The following KIF11 variants were observed in gnomAD, a reference collection of about 807,000 sequenced individuals.
KIF11 encodes kinesin family member 11.
KIF11 carries 9 observed loss-of-function variants against 121.0 expected under a neutral mutation model. The ratio of observed to expected loss-of-function variants is 0.07; its 90% confidence interval spans 0.04 to 0.13. The LOEUF (loss-of-function observed/expected upper bound fraction) is 0.13. Ranked by LOEUF, KIF11 falls within the 10% of genes least tolerant of loss-of-function variation. The pLI is 1.00. For missense variants in KIF11, 846 were observed against 1,217.5 expected, an observed-to-expected ratio of 0.69 and a Z score of 4.54; for synonymous variants, 408 against 421.0, an observed-to-expected ratio of 0.97 and a Z score of 0.38.
chr10:92,640,360 T>G (rs1286197286), intron 17 of KIF11, among the ~76,000 whole-genome samples: 1 of 152,248 alleles, frequency 6.6e-6, no homozygotes, highest in Non-Finnish European at 1.5e-5. Context: ...CATTGAACAA[T>G]AGCCTAAAAT....
At chr10:92,611,808 A>AG (rs1844500368) in intron 6 of KIF11, among the ~76,000 whole-genome samples, 2 of 152,204 alleles carry the variant, frequency 1.3e-5, no homozygotes, top group South Asian at 4.1e-4. Context: ...CTGAGGCAGG[A>AG]GAACTGCTTG....
At chr10:92,610,003 C>CCA (rs1214382042) in intron 6 of KIF11, among the ~76,000 whole-genome samples, 3 of 152,142 alleles carry the variant, frequency 2.0e-5, no homozygotes, top group African/African-American at 7.2e-5. Context: ...TCCCAAAGTG[C>CCA]TGAGATTACA....
chr10:92,648,866 A>G (rs1844949902), intron 19 of KIF11, among the ~76,000 whole-genome samples: 1 of 152,212 alleles, frequency 6.6e-6, no homozygotes, highest in Admixed American at 6.5e-5. Flanking sequence ...TTAAGAGATC[A>G]GGGATCACCA....
chr10:92,636,734 TA>T (rs1844802492), intron 14 of KIF11, among the ~76,000 whole-genome samples: 2 of 151,302 alleles, frequency 1.3e-5, no homozygotes, highest in African/African-American at 4.8e-5. Context: ...ATGTAGAGTA[TA>T]AAAAATGGAG....
At chr10:92,598,940 G>A (rs1010458166) in intron 1 of KIF11, among the ~76,000 whole-genome samples, 1 of 152,070 alleles carries the variant, frequency 6.6e-6, no homozygotes, top group Non-Finnish European at 1.5e-5. Context: ...ACCACGACCA[G>A]CTAATTTTTG....
chr10:92,618,643 C>CAAAAA (rs369094008), intron 9 of KIF11, among the ~76,000 whole-genome samples: 36 of 89,478 alleles, frequency 4.0e-4, no homozygotes, highest in African/African-American at 1.1e-3. Flanking sequence ...GGCTCTGTCT[C>CAAAAA]AAAAAAAAAA....
At chr10:92,602,825 C>CACACGTGTGT (rs1457102223) in intron 1 of KIF11, among the ~76,000 whole-genome samples, 3 of 122,440 alleles carry the variant, frequency 2.5e-5, no homozygotes, top group East Asian at 4.7e-4. Context: ...CACACACACA[C>CACACGTGTGT]GTGTGTGTGT....
At chr10:92,625,991 G>A (rs1201461100) in intron 10 of KIF11, among the ~76,000 whole-genome samples, 1 of 152,094 alleles carries the variant, frequency 6.6e-6, no homozygotes, top group Non-Finnish European at 1.5e-5. Flanking sequence ...TTGTTAAAAT[G>A]GCCATACCAC....
rs773481246 is a variant in KIF11, at chr10:92,609,424, C to T, written c.613C>T (p.His205Tyr). 1.2e-6 allele frequency: 2 copies of T among 1,612,992 alleles called. No homozygotes were observed. Among genetic ancestry groups the T allele is most frequent in the East Asian group, 2.2e-5 (1 of 44,808 alleles). The change falls in exon 6 of 22, where the codon CAC becomes TAC. Residue 205 changes from histidine to tyrosine, a missense_variant. Physicochemically the swap from His to Tyr is moderately conservative, Grantham distance 83. Transcript: ENST00000260731. ...TAAAGGTTTAGAAGAAATTACAGTA[C>T]ACAACAAGGATGAAGTCTATCAAAT... ...IIKGLEEITV[H>Y]NKDEVYQILE...
intron 10 of KIF11, among the ~76,000 whole-genome samples, chr10:92,628,157 G>C (rs1046095716): frequency 8.2e-6 from 1 of 121,706 alleles, no homozygotes; most frequent in Non-Finnish European, 1.7e-5. Flanking sequence ...ATCCTAAAAT[G>C]TACAGGACAT....
chr10:92,618,516 C>T (rs534503914), intron 9 of KIF11, among the ~76,000 whole-genome samples: 1 of 151,276 alleles, frequency 6.6e-6, no homozygotes, highest in African/African-American at 2.4e-5. Context: ...CGTAGTGGCA[C>T]GTGCCTGTAA....
chr10:92,612,353 G>A (rs1844507337), intron 6 of KIF11, among the ~76,000 whole-genome samples: 1 of 152,096 alleles, frequency 6.6e-6, no homozygotes, highest in Admixed American at 6.5e-5. Flanking sequence ...GCCCAGGCTG[G>A]TTTCGAACTC....
intron 16 of KIF11, among the ~76,000 whole-genome samples, chr10:92,637,798 A>C (rs1194882848): frequency 6.6e-6 from 1 of 152,234 alleles, no homozygotes; most frequent in Non-Finnish European, 1.5e-5. Flanking sequence ...TTCTCACATC[A>C]AGATGAAAGA....
chr10:92,623,601 C>T (rs1468478564), intron 10 of KIF11, among the ~76,000 whole-genome samples: 1 of 152,082 alleles, frequency 6.6e-6, no homozygotes, highest in Admixed American at 6.5e-5. Context: ...TTCTGTGTTA[C>T]TTCCAACTGT....
intron 1 of KIF11, among the ~76,000 whole-genome samples, chr10:92,602,382 A>G (rs924177190): frequency 3.9e-5 from 6 of 152,174 alleles, no homozygotes; most frequent in African/African-American, 1.2e-4. Flanking sequence ...CTATGAAACT[A>G]TCAGATCTAG....
At chr10:92,652,551 C>CTG (rs1844999745) in intron 21 of KIF11, among the ~76,000 whole-genome samples, 1 of 152,202 alleles carries the variant, frequency 6.6e-6, no homozygotes, top group South Asian at 2.1e-4. Flanking sequence ...AAATTCCTCC[C>CTG]TGTCTTCCTC....
chr10:92,602,960 T>G (rs77197318), intron 1 of KIF11, among the ~76,000 whole-genome samples: 1 of 151,210 alleles, frequency 6.6e-6, no homozygotes, highest in South Asian at 2.1e-4. Flanking sequence ...GTTCAAGCGA[T>G]TCTCCTGTCT....
intron 19 of KIF11, 76 bp from the exon 20 acceptor site, chr10:92,649,759 A>G (rs1210056765): frequency 7.6e-6 from 7 of 920,908 alleles, no homozygotes; most frequent in Non-Finnish European, 9.8e-6. Flanking sequence ...AAGATTAATT[A>G]GGAAGTTTTA....
intron 9 of KIF11, among the ~76,000 whole-genome samples, chr10:92,617,782 C>T (rs1844574220): frequency 6.6e-6 from 1 of 151,866 alleles, no homozygotes; most frequent in African/African-American, 2.4e-5. Flanking sequence ...CTCTTTCACC[C>T]AGGCTGGAGT....
Sources: gnomAD v4.1 joint callset for allele counts (sites outside exome capture counted in the v4.1 genomes callset) on GRCh38, gnomAD v4.1.1 for gene constraint, MANE v1.5 for transcripts, NCBI Gene and HGNC (gene_info 2026-07-23, HGNC 2026-07-21) for gene names.